The following ANKRD44 variants were observed in gnomAD, a reference collection of about 807,000 sequenced individuals.
The protein encoded by ANKRD44 is ankyrin repeat domain 44, also known as serine/threonine-protein phosphatase 6 regulatory ankyrin repeat subunit B.
ANKRD44 carries 35 observed loss-of-function variants against 116.0 expected under a neutral mutation model. The observed-to-expected ratio is 0.30, with a 90% CI of 0.23 to 0.40. The LOEUF (loss-of-function observed/expected upper bound fraction) is 0.40, where lower values mean the gene tolerates loss of function less well. Ranked by LOEUF, ANKRD44 falls within the 10% of genes least tolerant of loss-of-function variation. The pLI is 1.00. For synonymous variants in ANKRD44, 435 were observed against 461.8 expected (o/e 0.94, Z 0.74); for missense variants, 1,014 against 1,242.6 (o/e 0.82, Z 2.77).
rs1574414536 is a variant in ANKRD44 at position 197,078,793 on chromosome 2, T to C, written c.1560A>G (p.Gln520=). The change falls in exon 16 of 28, where the codon CAA becomes CAG. Residue 520 remains glutamine, a synonymous_variant. Transcript: ENST00000282272. ...CCCGGATAGATGGATTTGCATCATTTTGAAGCAGAAACTCTAGACATCTGT... is the reference window on the plus strand; with the variant it reads ...CCCGGATAGATGGATTTGCATCATTCTGAAGCAGAAACTCTAGACATCTGT... The part of the protein sequence containing the change: ...EATLCLEFLL[Q]NDANPSIRDK... 3.1e-6 allele frequency: 5 copies of C among 1,613,166 alleles called. No homozygotes were observed. Among genetic ancestry groups the C allele is most frequent in the Non-Finnish European group, 4.2e-6 (5 of 1,179,342 alleles).
At chr2:196,991,528 C>T (rs905713590) in intron 27 of ANKRD44, among the ~76,000 whole-genome samples, 1 of 152,120 alleles carries the variant, frequency 6.6e-6, no homozygotes, top group African/African-American at 2.4e-5. Context: ...AGATCAGAGA[C>T]AGGAAAGCAC....
chr2:197,119,447 C>A (rs2125315500), intron 8 of ANKRD44, among the ~76,000 whole-genome samples: 1 of 152,256 alleles, frequency 6.6e-6, no homozygotes, highest in Non-Finnish European at 1.5e-5. Flanking sequence ...CAGGATCTCA[C>A]TAGGTTGCTC....
At chr2:197,232,477 G>A (rs142530117) in intron 1 of ANKRD44, among the ~76,000 whole-genome samples, 1 of 152,312 alleles carries the variant, frequency 6.6e-6, no homozygotes, top group East Asian at 1.9e-4. Context: ...AGCAATGCCA[G>A]GTAGAAATGG....
At chr2:197,063,484 T>A (rs1043189992) in intron 16 of ANKRD44, among the ~76,000 whole-genome samples, 1 of 152,118 alleles carries the variant, frequency 6.6e-6, no homozygotes, top group African/African-American at 2.4e-5. Context: ...AGAAGAAGGC[T>A]TCAGATGATC....
chr2:197,026,762 T>C (rs1456472337), intron 16 of ANKRD44, among the ~76,000 whole-genome samples: 1 of 152,016 alleles, frequency 6.6e-6, no homozygotes, highest in African/African-American at 2.4e-5. Flanking sequence ...ATTTAGGAGC[T>C]GGGGCAATAG....
intron 16 of ANKRD44, among the ~76,000 whole-genome samples, chr2:197,070,917 G>A (rs1559038838): frequency 6.6e-6 from 1 of 152,142 alleles, no homozygotes; most frequent in East Asian, 1.9e-4. Context: ...ATAGTTAAAG[G>A]GCTATTCAAA....
At chr2:197,068,206 T>C (rs1272290358) in intron 16 of ANKRD44, among the ~76,000 whole-genome samples, 3 of 88,432 alleles carry the variant, frequency 3.4e-5, no homozygotes, top group South Asian at 4.2e-4. Flanking sequence ...CTCTGGGGAC[T>C]GTGGTGGGGT....
rs764796281 is a variant in ANKRD44, at chr2:197,007,951, A to T, written c.2013-28T>A. The T allele has an allele frequency of 5.0e-5, 77 of 1,526,626 alleles. 1 individual carries two copies. The highest frequency in any genetic ancestry group is 3.8e-4 in the East Asian group (17 of 44,392). 94.6% of individuals were successfully genotyped at this position (1,526,626 alleles called of 1,614,324 possible). On this transcript the variant is annotated intron_variant, in intron 19 of 27. Transcript: ENST00000282272. ...AGGCAGAGAGATAAAGCAGGCTTTT[A>T]AAAAGGAGATTTAAAAAAATATTCA...
At chr2:197,118,532 G>C (rs1164301111) in intron 8 of ANKRD44, among the ~76,000 whole-genome samples, 1 of 152,014 alleles carries the variant, frequency 6.6e-6, no homozygotes, top group Admixed American at 6.6e-5. Context: ...AGAAGTTGCA[G>C]TGAGCCAAGA....
intron 13 of ANKRD44, among the ~76,000 whole-genome samples, chr2:197,086,314 GATGAAATGTTCA>G (rs1175378454): frequency 6.6e-6 from 1 of 152,000 alleles, no homozygotes; most frequent in Non-Finnish European, 1.5e-5. Context: ...TTCATCCCAA[GATGAAATGTTCA>G]ATACATATAA....
chr2:196,999,266 G>A (rs2125894356), intron 23 of ANKRD44, among the ~76,000 whole-genome samples: 1 of 152,262 alleles, frequency 6.6e-6, no homozygotes, highest in Non-Finnish European at 1.5e-5. Flanking sequence ...GGAGGGGGGT[G>A]TGTGTTGGCC....
At chr2:197,166,177 C>T (rs2080097497) in intron 2 of ANKRD44, among the ~76,000 whole-genome samples, 1 of 152,196 alleles carries the variant, frequency 6.6e-6, no homozygotes, top group Non-Finnish European at 1.5e-5. Context: ...CACTCCCTAA[C>T]ACCTTCTTTA....
exon 22 of ANKRD44, chr2:196,967,423 C>T (rs935004974): frequency 2.1e-6 from 1 of 469,376 alleles, no homozygotes. Flanking sequence ...AACCGATGTT[C>T]TTGGATCTTG....
chr2:197,094,739 A>G (rs2078123348), intron 10 of ANKRD44, among the ~76,000 whole-genome samples: 1 of 152,248 alleles, frequency 6.6e-6, no homozygotes, highest in African/African-American at 2.4e-5. Flanking sequence ...GATCAATCCA[A>G]GTAAACAAAC....
At chr2:197,038,668 T>C (rs892550540) in intron 16 of ANKRD44, among the ~76,000 whole-genome samples, 2 of 152,238 alleles carry the variant, frequency 1.3e-5, no homozygotes, top group African/African-American at 4.8e-5. Flanking sequence ...GGTTGTAGAA[T>C]ACCTAAACCA....
chr2:196,985,060 G>A (rs182125298), downstream of ANKRD44, among the ~76,000 whole-genome samples: 12 of 152,298 alleles, frequency 7.9e-5, no homozygotes, highest in Admixed American at 6.5e-4. Flanking sequence ...CAGCCTGCTC[G>A]CCCGCAAGGC....
At chr2:197,208,804 A>C (rs2081264514) in intron 1 of ANKRD44, among the ~76,000 whole-genome samples, 1 of 152,034 alleles carries the variant, frequency 6.6e-6, no homozygotes, top group South Asian at 2.1e-4. Flanking sequence ...TGTCTCAAAA[A>C]AATAAAAAAT....
At chr2:197,207,233 CTG>C (rs2081228199) in intron 1 of ANKRD44, among the ~76,000 whole-genome samples, 1 of 152,204 alleles carries the variant, frequency 6.6e-6, no homozygotes, top group Non-Finnish European at 1.5e-5. Flanking sequence ...TGTCTGAAAA[CTG>C]TGCTATCAAT....
chr2:197,125,843 G>C lies in ANKRD44; in HGVS notation c.456C>G (p.His152Gln), dbSNP rs762208575. The change falls in exon 5 of 28, where the codon CAC becomes CAG. Residue 152 changes from histidine to glutamine, a missense_variant. His to Gln is a conservative substitution (Grantham distance 24). Coordinates refer to ENST00000282272, the MANE Select transcript of ANKRD44 (RefSeq NM_001195144.2). ...TALHHAALNG[H>Q]VEMVNLLLAK... ...GAATGATAAAAATACCCACCTCCAC[G>C]TGGCCGTTCAGAGCCGCATGGTGCA... The C allele has an allele frequency of 6.2e-7, 1 of 1,613,872 alleles. No individual in the cohort carries two copies. The highest frequency in any genetic ancestry group is 1.7e-5 in the Admixed American group (1 of 60,020).
Sources: allele counts gnomAD v4.1 joint callset (sites outside exome capture counted in the v4.1 genomes callset), GRCh38; gene constraint gnomAD v4.1.1; transcripts MANE v1.5; gene names NCBI Gene and HGNC (gene_info 2026-07-23, HGNC 2026-07-21).